Variants in RELN observed in about 807,000 individuals in gnomAD.
RELN encodes reelin.
In RELN, 108 loss-of-function variants were observed where a neutral mutation model predicts 427.6. The observed-to-expected ratio is 0.25, with a 90% CI of 0.22 to 0.30. The LOEUF is 0.30. RELN is among the 10% of genes least tolerant of loss of function. RELN has a pLI of 1.00. For synonymous variants in RELN, 1,524 were observed against 1,513.4 expected (o/e 1.01, Z -0.16); for missense variants, 3,715 against 4,302.8 (o/e 0.86, Z 3.82).
intron 1 of RELN, among the ~76,000 whole-genome samples, chr7:103,986,695 T>C (rs576217856): frequency 6.7e-6 from 1 of 148,318 alleles, no homozygotes; most frequent in Non-Finnish European, 1.5e-5. Context: ...TTCATTCAAA[T>C]GGTGACTTCA....
At chr7:103,656,031 A>G (rs1833015657) in intron 12 of RELN, among the ~76,000 whole-genome samples, 1 of 152,046 alleles carries the variant, frequency 6.6e-6, no homozygotes, top group Non-Finnish European at 1.5e-5. Context: ...GTAATTAAGA[A>G]AACTCATTTT....
intron 11 of RELN, among the ~76,000 whole-genome samples, chr7:103,666,876 C>T (rs1310498944): frequency 6.6e-6 from 1 of 152,020 alleles, no homozygotes; most frequent in Non-Finnish European, 1.5e-5. Flanking sequence ...GGAGAAGGAG[C>T]TCTTCAGGGT....
chr7:103,908,722 T>C (rs913201499), intron 2 of RELN, among the ~76,000 whole-genome samples: 2 of 152,206 alleles, frequency 1.3e-5, no homozygotes, highest in African/African-American at 4.8e-5. Flanking sequence ...TTATTTATCA[T>C]ATGTCAAATA....
chr7:103,770,093 T>C (rs920646427), intron 4 of RELN, among the ~76,000 whole-genome samples: 1 of 152,050 alleles, frequency 6.6e-6, no homozygotes, highest in Non-Finnish European at 1.5e-5. Context: ...TTTATTTATT[T>C]ATTTATTTTT....
At chr7:103,473,805 G>A (rs561089610) in intron 64 of RELN, among the ~76,000 whole-genome samples, 1 of 152,300 alleles carries the variant, frequency 6.6e-6, no homozygotes, top group South Asian at 2.1e-4. Flanking sequence ...ACACTGACCT[G>A]AGTGACAATA....
At chr7:103,754,333 T>G (rs1791078507) in intron 4 of RELN, among the ~76,000 whole-genome samples, 1 of 152,086 alleles carries the variant, frequency 6.6e-6, no homozygotes, top group African/African-American at 2.4e-5. Context: ...TATTTAAAAT[T>G]GCACACGGGG....
intron 6 of RELN, among the ~76,000 whole-genome samples, chr7:103,737,838 A>T (rs1173203453): frequency 6.6e-6 from 1 of 152,168 alleles, no homozygotes; most frequent in Non-Finnish European, 1.5e-5. Context: ...ATCCAATGCA[A>T]TGCCAATCAT....
intron 11 of RELN, among the ~76,000 whole-genome samples, chr7:103,674,860 T>A (rs1833478809): frequency 1.3e-5 from 2 of 152,098 alleles, no homozygotes; most frequent in Admixed American, 1.3e-4. Flanking sequence ...AAACTCTCAA[T>A]AAACAAGGTA....
chr7:103,695,888 A>C (rs2283023), intron 10 of RELN, among the ~76,000 whole-genome samples: 32,249 of 152,044 alleles, frequency 0.21, 4,179 homozygotes, highest in African/African-American at 0.36. Context: ...CTTCAGACTC[A>C]ATCAGAATAA....
intron 2 of RELN, among the ~76,000 whole-genome samples, chr7:103,849,289 A>T (rs1793757551): frequency 6.8e-6 from 1 of 146,636 alleles, no homozygotes; most frequent in South Asian, 2.2e-4. Context: ...ACCGATCACC[A>T]GGTCTTTCTT....
rs571218713 is a variant in RELN, at chr7:103,896,754, A to G, written c.337+20321T>C. On this transcript the variant is annotated intron_variant, in intron 2 of 64. Transcript: ENST00000428762. ...ATCATTGGATACAAACTTTACAAAC[A>G]TGGTATTTGCTGTAAAATTTTTTCA... Among the ~76,000 whole-genome samples the G allele has an allele frequency of 2.4e-4, 36 of 152,154 alleles. No individual in the cohort carries two copies. The East Asian group carries it at 6.2e-3, about 26-fold the overall frequency.
intron 2 of RELN, among the ~76,000 whole-genome samples, chr7:103,837,119 C>T (rs561540903): frequency 2.0e-5 from 3 of 152,140 alleles, no homozygotes; most frequent in Non-Finnish European, 4.4e-5. Flanking sequence ...AGAAAGGATT[C>T]GACTTTTTTC....
At chr7:103,482,528 C>CA (rs1423895709) in intron 63 of RELN, among the ~76,000 whole-genome samples, 1 of 152,190 alleles carries the variant, frequency 6.6e-6, no homozygotes, top group African/African-American at 2.4e-5. Flanking sequence ...CCTTCCTCTT[C>CA]AAGGATGTCA....
At chr7:103,715,163 C>T (rs1003419384) in intron 8 of RELN, among the ~76,000 whole-genome samples, 3 of 152,056 alleles carry the variant, frequency 2.0e-5, no homozygotes, top group Admixed American at 1.3e-4. Context: ...AAGGACAATG[C>T]TGTATGGGGG....
intron 4 of RELN, among the ~76,000 whole-genome samples, chr7:103,768,872 G>A (rs1232907121): frequency 1.3e-5 from 2 of 152,228 alleles, no homozygotes; most frequent in Non-Finnish European, 2.9e-5. Flanking sequence ...CCTTGCCACA[G>A]CAGACTCGTC....
At chr7:103,709,521 G>C (rs1789737848) in intron 8 of RELN, among the ~76,000 whole-genome samples, 1 of 152,128 alleles carries the variant, frequency 6.6e-6, no homozygotes, top group African/African-American at 2.4e-5. Flanking sequence ...TAGGACTTAG[G>C]ACCACAGTGG....
intron 2 of RELN, among the ~76,000 whole-genome samples, chr7:103,867,533 A>G (rs796648416): frequency 1.3e-5 from 2 of 152,256 alleles, no homozygotes; most frequent in African/African-American, 4.8e-5. Flanking sequence ...TTAAACTTAC[A>G]TAAGAAAAGA....
chr7:103,937,292 G>C (rs1278426780), intron 1 of RELN, among the ~76,000 whole-genome samples: 3 of 152,218 alleles, frequency 2.0e-5, no homozygotes, highest in Non-Finnish European at 4.4e-5. Context: ...AAAAAGATTA[G>C]AGACTGCAAT....
chr7:103,878,335 C>T (rs1392666380), intron 2 of RELN, among the ~76,000 whole-genome samples: 1 of 152,206 alleles, frequency 6.6e-6, no homozygotes, highest in Non-Finnish European at 1.5e-5. Flanking sequence ...ACCACTGTGA[C>T]TTAGTCAACA....
Sources: allele counts gnomAD v4.1 joint callset (sites outside exome capture counted in the v4.1 genomes callset), GRCh38; gene constraint gnomAD v4.1.1; transcripts MANE v1.5; gene names NCBI Gene and HGNC (gene_info 2026-07-23, HGNC 2026-07-21).